The following DISC1 variants were observed in gnomAD, a reference collection of about 807,000 sequenced individuals.
The protein encoded by DISC1 is DISC1 scaffold protein, also known as disrupted in schizophrenia 1 protein.
Under a neutral mutation model 84.5 loss-of-function variants are expected in DISC1, and 57 were observed. That is an observed-to-expected ratio of 0.67 (90% CI 0.55 to 0.84). The LOEUF (loss-of-function observed/expected upper bound fraction) is 0.84. Among genes scored for constraint, DISC1 ranks in the 40% least tolerant of loss-of-function variants. The probability of loss-of-function intolerance (pLI) is 0.00; values close to 1 mark genes in which losing one functional copy is unlikely to be tolerated. For missense variants in DISC1, 1,000 were observed against 1,057.8 expected (o/e 0.95, Z 0.76); for synonymous variants, 411 against 415.2 (o/e 0.99, Z 0.12).
At chr1:231,983,288 A>G (rs1428976206) in intron 10 of DISC1, among the ~76,000 whole-genome samples, 1 of 151,702 alleles carries the variant, frequency 6.6e-6, no homozygotes, top group Non-Finnish European at 1.5e-5. Flanking sequence ...TGGCATCCAG[A>G]TGCTGGGGAA....
intron 9 of DISC1, among the ~76,000 whole-genome samples, chr1:231,940,338 T>C (rs2091244965): frequency 6.6e-6 from 1 of 152,108 alleles, no homozygotes; most frequent in Admixed American, 6.5e-5. Context: ...AGTGAGTGAA[T>C]TGGTTTCCCA....
chr1:231,711,450 C>T (rs2067833416), intron 3 of DISC1, among the ~76,000 whole-genome samples: 1 of 150,514 alleles, frequency 6.6e-6, no homozygotes, highest in Admixed American at 6.6e-5. Flanking sequence ...AGCTCCGCCT[C>T]CCGGGTTCAT....
chr1:231,744,687 C>T (rs1166604943), intron 3 of DISC1, among the ~76,000 whole-genome samples: 1 of 152,112 alleles, frequency 6.6e-6, no homozygotes, highest in African/African-American at 2.4e-5. Flanking sequence ...TTTTCCATGA[C>T]CTATTCATCA....
intron 6 of DISC1, among the ~76,000 whole-genome samples, chr1:231,779,369 C>G (rs997753371): frequency 6.6e-6 from 1 of 152,070 alleles, no homozygotes; most frequent in African/African-American, 2.4e-5. Context: ...TCTGAAAAGA[C>G]CTTTTACATA....
At chr1:231,893,961 G>A (rs547894198) in intron 9 of DISC1, among the ~76,000 whole-genome samples, 1 of 152,294 alleles carries the variant, frequency 6.6e-6, no homozygotes, top group African/African-American at 2.4e-5. Context: ...ATGATATGAG[G>A]GATAGAGCAG....
At chr1:231,705,364 G>A (rs2066959342) in intron 3 of DISC1, among the ~76,000 whole-genome samples, 1 of 149,372 alleles carries the variant, frequency 6.7e-6, no homozygotes, top group Non-Finnish European at 1.5e-5. Flanking sequence ...TCCCAAAAAG[G>A]GACAAATGAC....
chr1:231,798,182 A>G (rs1438437132), intron 7 of DISC1, among the ~76,000 whole-genome samples: 1 of 151,486 alleles, frequency 6.6e-6, no homozygotes, highest in East Asian at 1.9e-4. Context: ...TGTCTCAGAA[A>G]GAAATGAAAC....
chr1:231,719,900 T>C (rs936533604), intron 3 of DISC1, among the ~76,000 whole-genome samples: 2 of 152,204 alleles, frequency 1.3e-5, no homozygotes, highest in African/African-American at 4.8e-5. Flanking sequence ...GTCACAGCCA[T>C]GTATTGGGTG....
intron 10 of DISC1, among the ~76,000 whole-genome samples, chr1:231,972,958 A>G (rs1276323878): frequency 1.3e-5 from 2 of 151,918 alleles, no homozygotes; most frequent in African/African-American, 2.4e-5. Flanking sequence ...TTCCTCTACA[A>G]CCTGACCCCA....
At chr1:232,011,160 G>A (rs1396016364) in intron 11 of DISC1, among the ~76,000 whole-genome samples, 2 of 152,110 alleles carry the variant, frequency 1.3e-5, no homozygotes, top group African/African-American at 4.8e-5. Flanking sequence ...TCGTTTTCCT[G>A]CATAGCATTA....
intron 1 of DISC1, among the ~76,000 whole-genome samples, chr1:231,635,478 C>T (rs2059119860): frequency 6.6e-6 from 1 of 152,146 alleles, no homozygotes; most frequent in Admixed American, 6.6e-5. Flanking sequence ...CTGCTCTCTC[C>T]TTCTTCTGTT....
chr1:231,864,668 A>T (rs2125932292), intron 9 of DISC1, among the ~76,000 whole-genome samples: 1 of 152,240 alleles, frequency 6.6e-6, no homozygotes, highest in East Asian at 1.9e-4. Context: ...TCAAAAACAA[A>T]ATAAAACAAC....
At chr1:231,755,821 C>T (rs935934782) in intron 4 of DISC1, among the ~76,000 whole-genome samples, 12 of 152,200 alleles carry the variant, frequency 7.9e-5, no homozygotes, top group African/African-American at 2.9e-4. Flanking sequence ...CTCATTTCCA[C>T]TCACTTGTCT....
intron 1 of DISC1, among the ~76,000 whole-genome samples, chr1:231,648,747 T>A (rs1024460399): frequency 6.6e-6 from 1 of 152,228 alleles, no homozygotes; most frequent in African/African-American, 2.4e-5. Context: ...CTGTTATTGG[T>A]CTATTCAGAG....
At chr1:231,976,096 G>A (rs1415977372) in intron 10 of DISC1, among the ~76,000 whole-genome samples, 3 of 152,150 alleles carry the variant, frequency 2.0e-5, no homozygotes, top group Non-Finnish European at 2.9e-5. Context: ...GCCAGGCAGC[G>A]GGCAACTGTG....
chr1:231,833,081 C>T (rs1269518742), intron 9 of DISC1, among the ~76,000 whole-genome samples: 3 of 148,506 alleles, frequency 2.0e-5, no homozygotes, highest in Non-Finnish European at 4.4e-5. Flanking sequence ...GAGGAGGACG[C>T]AAAGGAGGCT....
At chr1:231,754,889 C>A (rs1244071629) in intron 4 of DISC1, among the ~76,000 whole-genome samples, 1 of 152,174 alleles carries the variant, frequency 6.6e-6, no homozygotes, top group African/African-American at 2.4e-5. Context: ...CATCCTCTTT[C>A]CTTTTCCTTA....
At chr1:231,851,418 A>G (rs1415780337) in intron 9 of DISC1, among the ~76,000 whole-genome samples, 1 of 152,206 alleles carries the variant, frequency 6.6e-6, no homozygotes, top group Non-Finnish European at 1.5e-5. Context: ...AATATTCTGC[A>G]AAACCTGCTA....
rs201347757 is a variant in DISC1 at position 231,883,479 on chromosome 1, A to G, written c.1981+64962A>G. Reference sequence around the variant, plus strand: ...GTGTGAGTGGGTGGCCATGTGGGGCAGGTCAGAGAGGAGGCATCGAGTTGC... The same window carrying G: ...GTGTGAGTGGGTGGCCATGTGGGGCGGGTCAGAGAGGAGGCATCGAGTTGC... On this transcript the variant is annotated intron_variant, in intron 9 of 12. Transcript: ENST00000439617. Among the ~76,000 whole-genome samples the G allele has an allele frequency of 1.4e-3, 213 of 152,256 alleles. 1 individual carries two copies. The highest frequency in any genetic ancestry group is 4.3e-4 in the Non-Finnish European group (29 of 68,010).
Sources: gnomAD v4.1 joint callset for allele counts (sites outside exome capture counted in the v4.1 genomes callset) on GRCh38, gnomAD v4.1.1 for gene constraint, MANE v1.5 for transcripts, NCBI Gene and HGNC (gene_info 2026-07-23, HGNC 2026-07-21) for gene names.